NEDD4L: variants seen among roughly 807,000 people sequenced by gnomAD.
NEDD4L encodes the protein NEDD4 like E3 ubiquitin protein ligase, also known as E3 ubiquitin-protein ligase NEDD4-like.
Under a neutral mutation model 148.9 loss-of-function variants are expected in NEDD4L, and 54 were observed. The observed-to-expected ratio is 0.36, with a 90% CI of 0.29 to 0.45. The LOEUF is 0.45. NEDD4L is among the 20% of genes least tolerant of loss of function. The probability of loss-of-function intolerance (pLI) is 1.00; values close to 1 mark genes in which losing one functional copy is unlikely to be tolerated. For missense variants in NEDD4L, 856 were observed against 1,233.8 expected (o/e 0.69, Z 4.59); for synonymous variants, 433 against 440.7 (o/e 0.98, Z 0.22).
At chr18:58,212,908 A>G (rs112495488) in intron 2 of NEDD4L, among the ~76,000 whole-genome samples, 1 of 152,256 alleles carries the variant, frequency 6.6e-6, no homozygotes, top group African/African-American at 2.4e-5. Flanking sequence ...CCACAGAGGA[A>G]AAATGGACAA....
chr18:58,341,820 C>G (rs777635972), intron 15 of NEDD4L, 23 bp downstream of exon 15: 5 of 1,606,262 alleles, frequency 3.1e-6, no homozygotes, highest in Non-Finnish European at 4.2e-6. Flanking sequence ...CCTCATCTAA[C>G]TGGACTCACT....
chr18:58,285,262 TA>T (rs1685167168), intron 5 of NEDD4L, among the ~76,000 whole-genome samples: 2 of 152,134 alleles, frequency 1.3e-5, no homozygotes, highest in Admixed American at 1.3e-4. Context: ...TTATGGCCCC[TA>T]TAAAAGGACC....
intron 1 of NEDD4L, among the ~76,000 whole-genome samples, chr18:58,068,687 A>G (rs2082728293): frequency 1.3e-5 from 2 of 152,144 alleles, no homozygotes; most frequent in Admixed American, 1.3e-4. Context: ...TGGGTTGGTT[A>G]TTTTCCGTTG....
Position 58,195,569 on chromosome 18 carries a change from C to T in NEDD4L, c.122+29708C>T, listed in dbSNP as rs757082018. ...CTGTCCACGCGGTGCCTCCCCAGCA[C>T]GGCACCTCCCACTCCAGGCTGTTGG... On this transcript the variant is annotated intron_variant, in intron 2 of 30. Transcript: ENST00000400345. 73 of 1,339,048 alleles carry T rather than the reference C, an allele frequency of 5.5e-5. No individual in the cohort carries two copies. The Admixed American group carries it at 8.1e-4, about 15-fold the overall frequency. 82.9% of individuals were successfully genotyped at this position (1,339,048 alleles called of 1,614,324 possible).
At chr18:58,065,399 T>C (rs2082543220) in intron 1 of NEDD4L, among the ~76,000 whole-genome samples, 1 of 152,278 alleles carries the variant, frequency 6.6e-6, no homozygotes, top group African/African-American at 2.4e-5. Context: ...CATTGCGCAC[T>C]ATGCTGCTGG....
intron 5 of NEDD4L, among the ~76,000 whole-genome samples, chr18:58,301,609 A>G (rs549987504): frequency 1.1e-3 from 161 of 152,324 alleles, no homozygotes; most frequent in African/African-American, 3.8e-3. Flanking sequence ...AGACGCTCAG[A>G]GAGGCTAGGG....
intron 24 of NEDD4L, among the ~76,000 whole-genome samples, chr18:58,382,873 A>G (rs2048531000): frequency 6.6e-6 from 1 of 152,252 alleles, no homozygotes; most frequent in South Asian, 2.1e-4. Context: ...TTTCAGAAAC[A>G]GAATGCATTA....
intron 1 of NEDD4L, among the ~76,000 whole-genome samples, chr18:58,085,497 A>G (rs1457708746): frequency 1.3e-5 from 2 of 152,184 alleles, no homozygotes; most frequent in African/African-American, 2.4e-5. Flanking sequence ...TGAGTGTGCA[A>G]GATAATGAGG....
rs1375315509 is a variant in NEDD4L at position 58,357,270 on chromosome 18, C to T, written c.1767+18C>T. On this transcript the variant is annotated intron_variant, in intron 19 of 30. Transcript: ENST00000400345. ...CTGGTCCGGTCAGTATTTTCAAATT[C>T]TGCCTCTTCAGTATAAGATTTTGGT... 8 of 1,606,118 alleles carry T rather than the reference C, an allele frequency of 5.0e-6. No homozygotes were observed. Among genetic ancestry groups the T allele is most frequent in the Non-Finnish European group, 6.8e-6 (8 of 1,173,554 alleles).
At chr18:58,157,004 A>T (rs539870115) in intron 1 of NEDD4L, among the ~76,000 whole-genome samples, 1 of 149,856 alleles carries the variant, frequency 6.7e-6, no homozygotes, top group South Asian at 2.1e-4. Flanking sequence ...AACATGGGGA[A>T]ATCTCTACCA....
chr18:58,213,806 C>G (rs953597206), intron 2 of NEDD4L, among the ~76,000 whole-genome samples: 2 of 151,998 alleles, frequency 1.3e-5, no homozygotes, highest in Non-Finnish European at 2.9e-5. Flanking sequence ...CTGATATCCT[C>G]TTAGATTTTA....
intron 30 of NEDD4L, 97 bp from the exon 31 acceptor site, chr18:58,396,070 G>A (rs2050457058): frequency 5.2e-6 from 4 of 766,570 alleles, no homozygotes; most frequent in Non-Finnish European, 6.4e-6. Flanking sequence ...TGTTGGTTAA[G>A]GCTTTTTTAT....
intron 5 of NEDD4L, among the ~76,000 whole-genome samples, chr18:58,262,612 G>A (rs1358347282): frequency 6.9e-6 from 1 of 144,476 alleles, no homozygotes; most frequent in African/African-American, 2.6e-5. Flanking sequence ...CTGGGCGACA[G>A]AGTGAAACTC....
chr18:58,166,621 A>G (rs1599287801), intron 2 of NEDD4L, among the ~76,000 whole-genome samples: 1 of 152,228 alleles, frequency 6.6e-6, no homozygotes, highest in African/African-American at 2.4e-5. Context: ...TTGAATCCAG[A>G]AAGGTTAAAC....
chr18:58,351,062 A>G lies in NEDD4L; in HGVS notation c.1708+17A>G. The G allele has an allele frequency of 6.3e-7, 1 of 1,577,158 alleles. No individual in the cohort carries two copies. The highest frequency in any genetic ancestry group is 1.2e-5 in the South Asian group (1 of 85,878). On this transcript the variant is annotated intron_variant, in intron 18 of 30. Transcript: ENST00000400345. ...TTGATCATAGTAAGTAGGCGCTGTT[A>G]TGGACACACAGGTGTTGTGGGTTAG...
At chr18:58,254,989 CAG>C (rs1391883837) in intron 5 of NEDD4L, among the ~76,000 whole-genome samples, 1 of 152,184 alleles carries the variant, frequency 6.6e-6, no homozygotes, top group Non-Finnish European at 1.5e-5. Flanking sequence ...TCATAAATAA[CAG>C]AAACATGGTA....
At chr18:58,106,321 C>G (rs1319350949) in intron 1 of NEDD4L, among the ~76,000 whole-genome samples, 1 of 152,210 alleles carries the variant, frequency 6.6e-6, no homozygotes, top group African/African-American at 2.4e-5. Context: ...GCTTTTTAAC[C>G]CTAGTAGAAG....
At chr18:58,255,827 G>A in intron 5 of NEDD4L, 1 of 1,232,624 alleles carries the variant, frequency 8.1e-7, no homozygotes, top group South Asian at 4.1e-5. Flanking sequence ...GCAGGGAGGC[G>A]TGGGTGCGCT....
At chr18:58,111,590 A>G (rs1029502736) in intron 1 of NEDD4L, among the ~76,000 whole-genome samples, 10 of 152,120 alleles carry the variant, frequency 6.6e-5, no homozygotes, top group South Asian at 6.2e-4. Context: ...AGGGTCATCA[A>G]TGTTATAGCA....
Sources: allele counts gnomAD v4.1 joint callset (sites outside exome capture counted in the v4.1 genomes callset), GRCh38; gene constraint gnomAD v4.1.1; transcripts MANE v1.5; gene names NCBI Gene and HGNC (gene_info 2026-07-23, HGNC 2026-07-21).